The following WWOX variants were observed in gnomAD, a reference collection of about 807,000 sequenced individuals.
WWOX encodes WW domain-containing oxidoreductase.
In WWOX, 69 loss-of-function variants were observed where a neutral mutation model predicts 46.2. The ratio of observed to expected loss-of-function variants is 1.49; its 90% CI spans 1.23 to 1.82. The LOEUF is 1.82. Among genes scored for constraint, WWOX ranks in the 40% most tolerant of loss-of-function variants. The pLI, the probability that WWOX is intolerant of heterozygous loss-of-function variation, is 0.00. For missense variants in WWOX, 919 were observed against 542.6 expected (o/e 1.69, Z -6.89); for synonymous variants, 359 against 202.6 (o/e 1.77, Z -6.56).
At chr16:78,451,774 C>T (rs1303617776) in intron 8 of WWOX, among the ~76,000 whole-genome samples, 1 of 152,166 alleles carries the variant, frequency 6.6e-6, no homozygotes, top group Admixed American at 6.5e-5. Context: ...TATACAGACA[C>T]TTATTGTCAA....
chr16:78,125,116 C>G (rs375454378), intron 4 of WWOX, among the ~76,000 whole-genome samples: 6 of 152,062 alleles, frequency 3.9e-5, no homozygotes. Context: ...GTTACAGATT[C>G]GTATTTATTG....
At chr16:78,493,282 A>G (rs2151464329) in intron 8 of WWOX, among the ~76,000 whole-genome samples, 1 of 152,320 alleles carries the variant, frequency 6.6e-6, no homozygotes, top group Middle Eastern at 3.4e-3. Flanking sequence ...TATGTTAAGA[A>G]TCTTTATTTA....
At chr16:78,699,972 G>C (rs1028802721) in intron 8 of WWOX, among the ~76,000 whole-genome samples, 1 of 152,080 alleles carries the variant, frequency 6.6e-6, no homozygotes, top group Non-Finnish European at 1.5e-5. Flanking sequence ...GGCACTCTTG[G>C]TCTTGGGGAG....
intron 8 of WWOX, among the ~76,000 whole-genome samples, chr16:78,760,725 T>C (rs533316831): frequency 6.6e-6 from 1 of 152,324 alleles, no homozygotes; most frequent in East Asian, 1.9e-4. Flanking sequence ...CATGAGACTC[T>C]TTGAGGCAGA....
At chr16:78,547,148 A>AAAAC (rs2044057743) in intron 8 of WWOX, among the ~76,000 whole-genome samples, 1 of 90,388 alleles carries the variant, frequency 1.1e-5, no homozygotes, top group Non-Finnish European at 2.8e-5. Flanking sequence ...AAAAAAAAAA[A>AAAAC]AAAAAAAAAA....
chr16:79,059,523 C>T (rs922052648), intron 8 of WWOX, among the ~76,000 whole-genome samples: 18 of 152,114 alleles, frequency 1.2e-4, no homozygotes, highest in Admixed American at 5.2e-4. Context: ...TGGAGTCTTG[C>T]CCTGTTGCCC....
intron 8 of WWOX, among the ~76,000 whole-genome samples, chr16:78,786,122 C>A (rs1409242727): frequency 6.6e-6 from 1 of 152,126 alleles, no homozygotes; most frequent in African/African-American, 2.4e-5. Flanking sequence ...GTTGGCCAGG[C>A]TGGTTTTGAA....
At chr16:78,748,667 G>A (rs1016092205) in intron 8 of WWOX, among the ~76,000 whole-genome samples, 1 of 152,188 alleles carries the variant, frequency 6.6e-6, no homozygotes, top group Non-Finnish European at 1.5e-5. Context: ...AGGGAGATTA[G>A]GTAAAGTGCT....
intron 4 of WWOX, among the ~76,000 whole-genome samples, chr16:78,141,148 C>T (rs981668998): frequency 1.3e-5 from 2 of 152,154 alleles, no homozygotes; most frequent in East Asian, 1.9e-4. Context: ...CAAGTGAGTT[C>T]GAATTGCAAA....
intron 8 of WWOX, among the ~76,000 whole-genome samples, chr16:78,979,794 A>T (rs908103591): frequency 6.6e-6 from 1 of 152,140 alleles, no homozygotes; most frequent in East Asian, 1.9e-4. Flanking sequence ...CACTGCATTT[A>T]TCCAAAGGGT....
intron 8 of WWOX, among the ~76,000 whole-genome samples, chr16:79,048,526 TAAAA>T (rs1597323455): frequency 1.3e-5 from 2 of 152,222 alleles, no homozygotes; most frequent in East Asian, 3.9e-4. Flanking sequence ...TATATATATA[TAAAA>T]ATTTGGTATC....
In WWOX at chr16:78,725,046, T is replaced by G. The variant is rs899069871; in HGVS notation, c.1056+292294T>G. Among the ~76,000 whole-genome samples, 53 of 152,192 alleles carry G rather than the reference T, an allele frequency of 3.5e-4. 1 individual carries two copies. Among genetic ancestry groups the G allele is most frequent in the South Asian group, 4.1e-4 (2 of 4,826 alleles). On this transcript the variant is annotated intron_variant, in intron 8 of 8. Transcript: ENST00000566780. ...AATTGTAGCTCCCATAATTCCCATA[T>G]GTTGTGGGAGGGACCGGGTGGGAGA...
At chr16:78,446,801 C>T (rs778035545) in intron 8 of WWOX, among the ~76,000 whole-genome samples, 3 of 151,052 alleles carry the variant, frequency 2.0e-5, no homozygotes, top group Non-Finnish European at 2.9e-5. Context: ...GCTGGGATTA[C>T]AGGCATGTGC....
In WWOX at chr16:78,104,117, C is replaced by G. The variant is rs916757642; in HGVS notation, c.107+4232C>G. ...TCCTTGTTTGCCCTTCCCCGTGCCT[C>G]TTATGAAGCTCAGGCCTTTTGGCAG... On this transcript the variant is annotated intron_variant, in intron 1 of 8. Transcript: ENST00000566780. Among the ~76,000 whole-genome samples the G allele has an allele frequency of 6.6e-5, 10 of 152,182 alleles. No homozygotes were observed. In the East Asian group the frequency reaches 7.8e-4, roughly 12 times the overall value.
At chr16:78,915,500 C>A (rs557510229) in intron 8 of WWOX, among the ~76,000 whole-genome samples, 4 of 152,276 alleles carry the variant, frequency 2.6e-5, no homozygotes, top group Non-Finnish European at 5.9e-5. Context: ...TGAGCCTACA[C>A]AGAATGTCGC....
In WWOX at chr16:78,407,891, A is replaced by G. The variant is rs142834441; in HGVS notation, c.606-16979A>G. Among the ~76,000 whole-genome samples the G allele has an allele frequency of 7.9e-3, 1,202 of 152,346 alleles. 10 individuals carry two copies. Among genetic ancestry groups the G allele is most frequent in the South Asian group, 0.016 (75 of 4,830 alleles). On this transcript the variant is annotated intron_variant, in intron 6 of 8. Transcript: ENST00000566780. The stretch of plus-strand genomic sequence containing the variant: ...ATTGATTACTGTCTACTGTAGAGAT[A>G]ACATTTGCACATACAGATTATGGCA...
At position 79,021,622 on chromosome 16, in the gene WWOX, G is replaced by C. The variant is rs2550712; in HGVS notation, c.1057-189986G>C. ...AAATAGCTGCGACTCTCGCGTGATA[G>C]GAAAATATCTGTGATTTCGATTGCG... On this transcript the variant is annotated intron_variant, in intron 8 of 8. Coordinates refer to ENST00000566780, the MANE Select transcript of WWOX (RefSeq NM_016373.4). Among the ~76,000 whole-genome samples the C allele has an allele frequency of 4.5e-3, 678 of 152,314 alleles. 3 individuals are homozygous for C. The highest frequency in any genetic ancestry group is 0.015 in the African/African-American group (631 of 41,572).
At chr16:78,257,918 TA>T (rs2038175016) in intron 5 of WWOX, among the ~76,000 whole-genome samples, 1 of 100,852 alleles carries the variant, frequency 9.9e-6, no homozygotes. Flanking sequence ...ATGTTTCCAA[TA>T]TTTTTTTATT....
intron 5 of WWOX, among the ~76,000 whole-genome samples, chr16:78,380,717 G>C (rs987958411): frequency 1.3e-5 from 2 of 152,014 alleles, no homozygotes; most frequent in Non-Finnish European, 1.5e-5. Context: ...CTGACTTCCC[G>C]ATAGGGCAGG....
Sources: allele counts gnomAD v4.1 joint callset (sites outside exome capture counted in the v4.1 genomes callset), GRCh38; gene constraint gnomAD v4.1.1; transcripts MANE v1.5; gene names NCBI Gene and HGNC (gene_info 2026-07-23, HGNC 2026-07-21).